Variants in DCLK1 observed in about 807,000 individuals in gnomAD.
The protein encoded by DCLK1 is serine/threonine-protein kinase DCLK1.
DCLK1 carries 16 observed loss-of-function variants against 86.2 expected under a neutral mutation model. The ratio of observed to expected loss-of-function variants is 0.19; its 90% confidence interval spans 0.13 to 0.28. The LOEUF is 0.28. Among genes scored for constraint, DCLK1 ranks in the 10% least tolerant of loss-of-function variants. The probability of loss-of-function intolerance (pLI) is 1.00; values close to 1 mark genes in which losing one functional copy is unlikely to be tolerated. For missense variants in DCLK1, 590 were observed against 940.2 expected, an observed-to-expected ratio of 0.63 and a Z score of 4.87; for synonymous variants, 369 against 370.5, an observed-to-expected ratio of 1.00 and a Z score of 0.05.
At chr13:35,882,956 G>A (rs959194953) in intron 4 of DCLK1, among the ~76,000 whole-genome samples, 2 of 152,190 alleles carry the variant, frequency 1.3e-5, no homozygotes, top group African/African-American at 2.4e-5. Flanking sequence ...GTGACAGCGA[G>A]TGGCTGAGTG....
intron 3 of DCLK1, 62 bp downstream of exon 3, chr13:36,111,807 A>G (rs538082022): frequency 6.7e-7 from 1 of 1,483,016 alleles, no homozygotes; most frequent in African/African-American, 1.4e-5. Context: ...TTAGCCACGT[A>G]CACCCTCCGA....
intron 5 of DCLK1, among the ~76,000 whole-genome samples, chr13:35,864,564 C>CAAAAAA (rs1191888940): frequency 1.4e-4 from 3 of 20,748 alleles, no homozygotes; most frequent in Admixed American, 7.7e-4. Context: ...GACTCCGTCT[C>CAAAAAA]AAAAAAAAAA....
intron 3 of DCLK1, among the ~76,000 whole-genome samples, chr13:36,052,410 T>C (rs936081278): frequency 6.6e-6 from 1 of 152,140 alleles, no homozygotes; most frequent in African/African-American, 2.4e-5. Flanking sequence ...AAAGGCAATA[T>C]TCCTGGGTCA....
chr13:35,803,399 C>G (rs1443059206), intron 15 of DCLK1, among the ~76,000 whole-genome samples: 2 of 152,168 alleles, frequency 1.3e-5, no homozygotes, highest in Admixed American at 1.3e-4. Flanking sequence ...CCCCCTGTCC[C>G]TAGGGCCATG....
intron 8 of DCLK1, among the ~76,000 whole-genome samples, chr13:35,835,616 T>C (rs1869308691): frequency 6.6e-6 from 1 of 152,216 alleles, no homozygotes; most frequent in Non-Finnish European, 1.5e-5. Context: ...ATATGCATTT[T>C]AAAGCTTTTC....
chr13:35,797,156 C>T (rs553442195), intron 15 of DCLK1, among the ~76,000 whole-genome samples: 1 of 152,174 alleles, frequency 6.6e-6, no homozygotes, highest in African/African-American at 2.4e-5. Context: ...GCCGTATGAT[C>T]GGCACAGGCT....
intron 3 of DCLK1, among the ~76,000 whole-genome samples, chr13:36,048,486 C>A (rs932862014): frequency 6.6e-6 from 1 of 152,032 alleles, no homozygotes; most frequent in Non-Finnish European, 1.5e-5. Context: ...CAAAATACAC[C>A]GCTATTATAA....
intron 11 of DCLK1, among the ~76,000 whole-genome samples, chr13:35,821,520 G>A (rs1166061752): frequency 1.3e-5 from 2 of 152,040 alleles, no homozygotes; most frequent in African/African-American, 4.8e-5. Context: ...CCACCCTGCA[G>A]AAACACTACT....
chr13:35,848,094 A>T, intron 6 of DCLK1: 1 of 985,338 alleles, frequency 1.0e-6, no homozygotes, highest in African/African-American at 1.7e-5. Flanking sequence ...AAAAGTATCG[A>T]ACTTTGAACT....
chr13:35,975,031 A>C (rs937162162), intron 3 of DCLK1, among the ~76,000 whole-genome samples: 1 of 152,176 alleles, frequency 6.6e-6, no homozygotes, highest in African/African-American at 2.4e-5. Flanking sequence ...GTGTGCTGTG[A>C]AAAAAGTGAG....
chr13:35,888,158 T>C (rs1566587192), intron 4 of DCLK1, among the ~76,000 whole-genome samples: 1 of 152,202 alleles, frequency 6.6e-6, no homozygotes, highest in Non-Finnish European at 1.5e-5. Flanking sequence ...TTTATTATCC[T>C]GTTTCTCATG....
At chr13:35,963,845 T>C (rs1284292982) in intron 3 of DCLK1, among the ~76,000 whole-genome samples, 1 of 152,186 alleles carries the variant, frequency 6.6e-6, no homozygotes, top group Non-Finnish European at 1.5e-5. Flanking sequence ...CTGCCACAAT[T>C]GTAAGTTTCC....
At chr13:35,967,870 A>T (rs912119359) in intron 3 of DCLK1, among the ~76,000 whole-genome samples, 9 of 152,094 alleles carry the variant, frequency 5.9e-5, no homozygotes, top group Non-Finnish European at 1.0e-4. Context: ...TAAAAATACA[A>T]AAGTTAGCTG....
rs538165652 is a variant in DCLK1 at position 35,981,510 on chromosome 13, G to A, written c.724-34053C>T. On this transcript the variant is annotated intron_variant, in intron 3 of 16. Transcript: ENST00000360631. ...ACATCACTACCACCCAGAATCCATGGTTTACCTTAGGGTTCACTCTGTGTT... is the reference window on the plus strand; with the variant it reads ...ACATCACTACCACCCAGAATCCATGATTTACCTTAGGGTTCACTCTGTGTT... Among the ~76,000 whole-genome samples the A allele has an allele frequency of 6.6e-5, 10 of 152,040 alleles. No homozygotes were observed. In the East Asian group the frequency reaches 1.9e-3, roughly 29 times the overall value.
chr13:35,950,154 T>C (rs1877589384), intron 3 of DCLK1, among the ~76,000 whole-genome samples: 1 of 152,214 alleles, frequency 6.6e-6, no homozygotes, highest in South Asian at 2.1e-4. Flanking sequence ...GTAGATCACA[T>C]TCAACTTTAT....
At chr13:35,887,373 C>G (rs1398127720) in intron 4 of DCLK1, among the ~76,000 whole-genome samples, 1 of 152,104 alleles carries the variant, frequency 6.6e-6, no homozygotes, top group Non-Finnish European at 1.5e-5. Flanking sequence ...AGGTGGAACC[C>G]CTTAAAGCCG....
chr13:35,834,977 T>C (rs532862076), intron 8 of DCLK1, among the ~76,000 whole-genome samples: 9 of 152,246 alleles, frequency 5.9e-5, no homozygotes, highest in African/African-American at 2.2e-4. Flanking sequence ...CATAAGTGAC[T>C]ATTGGCCAAA....
chr13:35,850,586 CT>C (rs1870541913), intron 6 of DCLK1: 1 of 1,278,490 alleles, frequency 7.8e-7, no homozygotes. Flanking sequence ...TACATATTTA[CT>C]TTTGGATGAT....
intron 16 of DCLK1, among the ~76,000 whole-genome samples, chr13:35,777,373 G>A (rs1490884356): frequency 6.6e-6 from 1 of 152,200 alleles, no homozygotes; most frequent in Non-Finnish European, 1.5e-5. Context: ...ACTTGCCCAT[G>A]TGCATTGCTA....
Sources: gnomAD v4.1 joint callset for allele counts (sites outside exome capture counted in the v4.1 genomes callset) on GRCh38, gnomAD v4.1.1 for gene constraint, MANE v1.5 for transcripts, NCBI Gene and HGNC (gene_info 2026-07-23, HGNC 2026-07-21) for gene names.